The following ELFN1 variants were observed in gnomAD, a reference collection of about 807,000 sequenced individuals.
ELFN1 encodes the protein protein ELFN1.
A neutral mutation model predicts 7.6 loss-of-function variants in ELFN1; 6 were observed. That is an observed-to-expected ratio of 0.79 (90% CI 0.43 to 1.56). The LOEUF (loss-of-function observed/expected upper bound fraction) is 1.56. Ranked by LOEUF, ELFN1 falls within the 40% of genes most tolerant of loss-of-function variation. The pLI is 0.01. For missense variants in ELFN1, 1,169 were observed against 1,232.2 expected (o/e 0.95, Z 0.77); for synonymous variants, 657 against 588.1 (o/e 1.12, Z -1.70).
intron 3 of ELFN1, among the ~76,000 whole-genome samples, chr7:1,719,716 A>T (rs1012333217): frequency 1.1e-4 from 16 of 152,244 alleles, no homozygotes; most frequent in African/African-American, 3.4e-4. Flanking sequence ...GAATCTCCCC[A>T]AATGGTGGGG....
intron 3 of ELFN1, among the ~76,000 whole-genome samples, chr7:1,721,005 C>T (rs1780005222): frequency 2.0e-5 from 3 of 152,182 alleles, no homozygotes; most frequent in Admixed American, 2.0e-4. Context: ...TGAGAATGAT[C>T]AGAAGACTTT....
At chr7:1,687,425 A>G (rs1583317885) in intron 1 of ELFN1, among the ~76,000 whole-genome samples, 2 of 152,060 alleles carry the variant, frequency 1.3e-5, no homozygotes, top group African/African-American at 2.4e-5. Flanking sequence ...AAATTTATGT[A>G]GGAACCATCT....
upstream of ELFN1, among the ~76,000 whole-genome samples, chr7:1,666,290 G>A (rs1175442451): frequency 1.3e-5 from 2 of 151,944 alleles, no homozygotes; most frequent in Non-Finnish European, 2.9e-5. The surrounding 1 kb of genome is among the most constrained non-coding windows in gnomAD (Gnocchi z 7.9). Flanking sequence ...TCTCTGGGGG[G>A]GGCGGCGGGG....
intron 1 of ELFN1, among the ~76,000 whole-genome samples, chr7:1,680,247 G>T (rs1251015883): frequency 1.3e-5 from 2 of 152,218 alleles, no homozygotes; most frequent in African/African-American, 4.8e-5. Flanking sequence ...TTGGAGGAGT[G>T]CCCAAGGCAG....
intron 3 of ELFN1, 24 bp from the exon 4 acceptor site, chr7:1,744,277 ACCG>A (rs2128605373): frequency 1.3e-5 from 3 of 228,734 alleles, no homozygotes; most frequent in East Asian, 1.7e-4. Context: ...TTGTCCCCTG[ACCG>A]CTGTCTTCTC....
chr7:1,681,744 G>A (rs114777060), intron 1 of ELFN1, among the ~76,000 whole-genome samples: 15 of 152,198 alleles, frequency 9.9e-5, no homozygotes, highest in Non-Finnish European at 2.1e-4. Context: ...CAGCCCCTGC[G>A]TGTCTCTCAC....
rs142219947 is a variant in ELFN1, at chr7:1,704,544, C to T, written c.-455-4547C>T. Reference sequence around the variant, plus strand: ...CAAAGCCATGTGGGTCACTGGGTCTCGACTCCTCCCCACCCCAGGAGGCTC... The same window carrying T: ...CAAAGCCATGTGGGTCACTGGGTCTTGACTCCTCCCCACCCCAGGAGGCTC... On this transcript the variant is annotated intron_variant, in intron 2 of 3. Transcript: ENST00000424383. Among the ~76,000 whole-genome samples, 385 of 152,248 alleles carry T rather than the reference C, an allele frequency of 2.5e-3. 1 individual carries two copies. Among genetic ancestry groups the T allele is most frequent in the African/African-American group, 8.7e-3 (363 of 41,552 alleles).
At chr7:1,704,355 C>A (rs1026836444) in intron 2 of ELFN1, among the ~76,000 whole-genome samples, 1 of 152,274 alleles carries the variant, frequency 6.6e-6, no homozygotes, top group East Asian at 1.9e-4. Context: ...GGTCCTGATC[C>A]GGACAAAAGG....
chr7:1,727,656 T>C (rs1478330763), intron 3 of ELFN1, among the ~76,000 whole-genome samples: 1 of 152,146 alleles, frequency 6.6e-6, no homozygotes, highest in Non-Finnish European at 1.5e-5. Flanking sequence ...TCACCCAGGG[T>C]GGCATGCAAT....
At chr7:1,712,912 G>A (rs1260906949) in intron 3 of ELFN1, among the ~76,000 whole-genome samples, 1 of 152,206 alleles carries the variant, frequency 6.6e-6, no homozygotes, top group Non-Finnish European at 1.5e-5. Flanking sequence ...CCTCAGGAGG[G>A]AAGCGTTCAG....
At position 1,746,834 on chromosome 7, in the gene ELFN1, C is replaced by T. The variant is rs937935582; in HGVS notation, c.2238C>T (p.Arg746=). 2 of 1,535,956 alleles carry T rather than the reference C, an allele frequency of 1.3e-6. No individual in the cohort carries two copies. The highest frequency in any genetic ancestry group is 1.4e-5 in the African/African-American group (1 of 72,432). The change falls in exon 4 of 4, where the codon CGC becomes CGT. Residue 746 remains arginine (R), a synonymous_variant. Coordinates refer to ENST00000424383, the MANE Select transcript of ELFN1 (RefSeq NM_001128636.4). Reference sequence around the variant, plus strand: ...AGCCACTCACCCGGCCGCGGCCCCGCGACCTCGCCTACTCGCAGCTGTCCC... The same window carrying T: ...AGCCACTCACCCGGCCGCGGCCCCGTGACCTCGCCTACTCGCAGCTGTCCC... The part of the protein sequence containing the change: ...ILEPLTRPRP[R]DLAYSQLSPQ...
In ELFN1 at chr7:1,677,289, G is replaced by A. The variant is rs372177684; in HGVS notation, c.-549+6935G>A. 1.4e-4 allele frequency among the ~76,000 whole-genome samples: 21 copies of A among 152,268 alleles called. No homozygotes were observed. In the South Asian group the frequency reaches 2.5e-3, roughly 18 times the overall value. ...CAGAATGGATTGGTATGAAACAGTG[G>A]GGTCATCTTGGCACAGAACCCCTCA... is the stretch of plus-strand genomic sequence containing the variant. On this transcript the variant is annotated intron_variant, in intron 1 of 3. Coordinates refer to ENST00000424383, the MANE Select transcript of ELFN1 (RefSeq NM_001128636.4).
At chr7:1,668,913 G>T (rs909013590), upstream of ELFN1, among the ~76,000 whole-genome samples, 1 of 152,188 alleles carries the variant, frequency 6.6e-6, no homozygotes, top group Non-Finnish European at 1.5e-5. Context: ...ATGAAATCGT[G>T]GGGGCGCACT....
chr7:1,723,922 G>A (rs1040987106), intron 3 of ELFN1, among the ~76,000 whole-genome samples: 9 of 152,190 alleles, frequency 5.9e-5, no homozygotes, highest in East Asian at 1.9e-4. Flanking sequence ...ATGAGCTGAC[G>A]TTGTGTCCCC....
chr7:1,736,203 T>A (rs1034221663), intron 3 of ELFN1, among the ~76,000 whole-genome samples: 3 of 152,126 alleles, frequency 2.0e-5, no homozygotes, highest in Admixed American at 6.5e-5. Context: ...GCAGTAAACA[T>A]GATCTATCGG....
At chr7:1,713,864 A>G (rs976618825) in intron 3 of ELFN1, among the ~76,000 whole-genome samples, 2 of 152,078 alleles carry the variant, frequency 1.3e-5, no homozygotes, top group African/African-American at 4.8e-5. Flanking sequence ...CCACTCCCCC[A>G]GCACTGCCGC....
At chr7:1,737,581 G>A (rs1055087040) in intron 3 of ELFN1, among the ~76,000 whole-genome samples, 4 of 152,190 alleles carry the variant, frequency 2.6e-5, no homozygotes, top group Non-Finnish European at 5.9e-5. Flanking sequence ...CCTTTTGAGT[G>A]TTCCCTCCAC....
intron 3 of ELFN1, among the ~76,000 whole-genome samples, chr7:1,721,683 C>T (rs551919646): frequency 3.3e-5 from 5 of 152,304 alleles, no homozygotes; most frequent in Admixed American, 1.3e-4. Context: ...CAGAGGAAGC[C>T]GGGCCTGTCA....
chr7:1,697,971 G>A (rs765099481), intron 2 of ELFN1, among the ~76,000 whole-genome samples: 1 of 152,174 alleles, frequency 6.6e-6, no homozygotes, highest in African/African-American at 2.4e-5. Context: ...TGGGCTTCCC[G>A]CAGAGCCGGC....
Sources: gnomAD v4.1 joint callset for allele counts (sites outside exome capture counted in the v4.1 genomes callset) on GRCh38, gnomAD v4.1.1 for gene constraint, Gnocchi (gnomAD v3.1) non-coding constraint, MANE v1.5 for transcripts, NCBI Gene and HGNC (gene_info 2026-07-23, HGNC 2026-07-21) for gene names.